Variants in LRRC4C observed in about 807,000 individuals in gnomAD.
LRRC4C encodes the protein leucine rich repeat containing 4C.
In LRRC4C, 5 loss-of-function variants were observed where a neutral mutation model predicts 33.6. That is an observed-to-expected ratio of 0.15 (90% confidence interval 0.08 to 0.31). The LOEUF is 0.31. Among genes scored for constraint, LRRC4C ranks in the 10% least tolerant of loss-of-function variants. The pLI is 1.00. For missense variants in LRRC4C, 560 were observed against 796.7 expected (o/e 0.70, Z 3.58); for synonymous variants, 329 against 302.0 (o/e 1.09, Z -0.93).
At chr11:41,121,459 C>T (rs990392083) in intron 1 of LRRC4C, among the ~76,000 whole-genome samples, 15 of 152,152 alleles carry the variant, frequency 9.9e-5, no homozygotes, top group African/African-American at 2.9e-4. Context: ...ACTTTTCCCT[C>T]GTAATACTTC....
At chr11:40,218,691 G>GAATC (rs1302049958) in intron 5 of LRRC4C, among the ~76,000 whole-genome samples, 3 of 101,192 alleles carry the variant, frequency 3.0e-5, no homozygotes, top group Non-Finnish European at 4.5e-5. Context: ...GAATGATAAA[G>GAATC]AATCTATCTA....
chr11:40,556,685 T>G (rs906435388), intron 3 of LRRC4C, among the ~76,000 whole-genome samples: 13 of 152,304 alleles, frequency 8.5e-5, no homozygotes, highest in African/African-American at 3.1e-4. Context: ...CATAAAGAGT[T>G]GTCAATGTGA....
intron 2 of LRRC4C, among the ~76,000 whole-genome samples, chr11:40,740,648 ATTAGT>A (rs1282528258): frequency 2.0e-5 from 3 of 151,856 alleles, no homozygotes; most frequent in African/African-American, 7.3e-5. Context: ...ATGCAGTTTG[ATTAGT>A]TTATTTTTGC....
intron 2 of LRRC4C, among the ~76,000 whole-genome samples, chr11:40,838,347 G>A (rs1952767690): frequency 6.6e-6 from 1 of 152,158 alleles, no homozygotes; most frequent in Non-Finnish European, 1.5e-5. Context: ...CAACCCTGAT[G>A]AAAATGTTTT....
chr11:40,724,619 G>A (rs1394496273), intron 2 of LRRC4C, among the ~76,000 whole-genome samples: 1 of 152,028 alleles, frequency 6.6e-6, no homozygotes, highest in East Asian at 1.9e-4. Context: ...CACATTAAGA[G>A]GAAAGTTTGT....
At chr11:41,445,797 T>G (rs1270991635) in intron 1 of LRRC4C, among the ~76,000 whole-genome samples, 1 of 151,884 alleles carries the variant, frequency 6.6e-6, no homozygotes, top group Non-Finnish European at 1.5e-5. Context: ...AAAAGAACTT[T>G]TTTTCTTTCT....
chr11:41,263,364 A>T (rs1226081513), intron 1 of LRRC4C, among the ~76,000 whole-genome samples: 1 of 152,170 alleles, frequency 6.6e-6, no homozygotes, highest in Non-Finnish European at 1.5e-5. Context: ...CTAAAAATGT[A>T]ATTTTCATTT....
intron 2 of LRRC4C, among the ~76,000 whole-genome samples, chr11:40,712,015 G>A (rs1420221356): frequency 3.9e-5 from 6 of 152,128 alleles, no homozygotes; most frequent in Non-Finnish European, 8.8e-5. Context: ...GCAGAGTAGT[G>A]TGGTAATTGT....
intron 3 of LRRC4C, among the ~76,000 whole-genome samples, chr11:40,567,443 G>A (rs958328099): frequency 3.9e-5 from 6 of 152,136 alleles, no homozygotes; most frequent in Non-Finnish European, 8.8e-5. Flanking sequence ...TCCAACAGCA[G>A]TTTGACGTAA....
chr11:40,396,883 C>A (rs900260946), intron 3 of LRRC4C, among the ~76,000 whole-genome samples: 1 of 151,962 alleles, frequency 6.6e-6, no homozygotes, highest in Non-Finnish European at 1.5e-5. Context: ...CCCAGGAGGG[C>A]ATTCTGTTTG....
At chr11:40,537,420 G>T (rs540902644) in intron 3 of LRRC4C, among the ~76,000 whole-genome samples, 1 of 152,128 alleles carries the variant, frequency 6.6e-6, no homozygotes, top group Non-Finnish European at 1.5e-5. Context: ...CCAGCAGTCT[G>T]GCTCCCAAGG....
intron 1 of LRRC4C, among the ~76,000 whole-genome samples, chr11:41,066,929 A>G (rs1938287541): frequency 6.6e-6 from 1 of 152,210 alleles, no homozygotes; most frequent in Non-Finnish European, 1.5e-5. Context: ...AAAAATATGG[A>G]AAGAAAAAAC....
intron 1 of LRRC4C, among the ~76,000 whole-genome samples, chr11:41,024,336 C>A (rs1856193695): frequency 6.6e-6 from 1 of 151,698 alleles, no homozygotes; most frequent in African/African-American, 2.4e-5. Context: ...AAAGCATGCT[C>A]ATTTTTTGAC....
intron 5 of LRRC4C, among the ~76,000 whole-genome samples, chr11:40,167,734 G>A (rs996872331): frequency 2.0e-5 from 3 of 152,040 alleles, no homozygotes; most frequent in Non-Finnish European, 4.4e-5. Flanking sequence ...AGTCTCTTGT[G>A]GTAGGGCCAT....
At chr11:40,478,733 T>C (rs1306410588) in intron 3 of LRRC4C, among the ~76,000 whole-genome samples, 1 of 152,178 alleles carries the variant, frequency 6.6e-6, no homozygotes, top group Non-Finnish European at 1.5e-5. Flanking sequence ...AAAAGACCAT[T>C]GGGCCAAAAT....
intron 1 of LRRC4C, among the ~76,000 whole-genome samples, chr11:41,220,108 A>G (rs1174951325): frequency 6.6e-6 from 1 of 152,230 alleles, no homozygotes; most frequent in Non-Finnish European, 1.5e-5. Flanking sequence ...ACTTGTATAA[A>G]TTGCCTGAGG....
intron 3 of LRRC4C, among the ~76,000 whole-genome samples, chr11:40,589,037 A>G (rs1214617526): frequency 6.6e-6 from 1 of 151,748 alleles, no homozygotes; most frequent in Non-Finnish European, 1.5e-5. Flanking sequence ...ATCCTTGTTG[A>G]CTTTCTGTCT....
At chr11:40,535,121 A>C (rs149635859) in intron 3 of LRRC4C, among the ~76,000 whole-genome samples, 1 of 152,254 alleles carries the variant, frequency 6.6e-6, no homozygotes, top group Admixed American at 6.5e-5. Flanking sequence ...TATGGGACTA[A>C]ATTTGTCTAA....
chr11:41,311,928 A>C (rs895633562), intron 1 of LRRC4C, among the ~76,000 whole-genome samples: 3 of 152,122 alleles, frequency 2.0e-5, no homozygotes, highest in African/African-American at 7.2e-5. Flanking sequence ...AAATCCATGG[A>C]TATTATCCCA....
Sources: allele counts gnomAD v4.1 joint callset (sites outside exome capture counted in the v4.1 genomes callset), GRCh38; gene constraint gnomAD v4.1.1; transcripts MANE v1.5; gene names NCBI Gene and HGNC (gene_info 2026-07-23, HGNC 2026-07-21).